Variants in NPAT observed in about 807,000 individuals in gnomAD.
NPAT encodes the protein protein NPAT.
In NPAT, 52 loss-of-function variants were observed where a neutral mutation model predicts 130.7. The observed-to-expected ratio is 0.40, with a 90% CI of 0.32 to 0.50. The LOEUF is 0.50. NPAT is among the 20% of genes least tolerant of loss of function. The pLI, the probability that NPAT is intolerant of heterozygous loss-of-function variation, is 0.68. For missense variants in NPAT, 1,687 were observed against 1,662.6 expected, an observed-to-expected ratio of 1.01 and a Z score of -0.26; for synonymous variants, 580 against 584.8, an observed-to-expected ratio of 0.99 and a Z score of 0.12.
rs757294231 is a variant in NPAT at position 108,172,139 on chromosome 11, T to C, written c.2785+60A>G. The C allele has an allele frequency of 3.6e-4, 522 of 1,442,730 alleles. 3 individuals are homozygous for C. The highest frequency in any genetic ancestry group is 1.6e-3 in the Middle Eastern group (9 of 5,790). 89.4% of individuals were successfully genotyped at this position (1,442,730 alleles called of 1,614,324 possible). ...TTACTTCGCAGTCAATAACATCACA[T>C]ACAAAAGAAATTAGATCCCAACCCA... On this transcript the variant is annotated intron_variant, in intron 13 of 17. Transcript: ENST00000278612.
In NPAT at chr11:108,185,338, A is replaced by C. The variant is rs1280567273; in HGVS notation, c.819-19T>G. On this transcript the variant is annotated intron_variant, in intron 9 of 17. Coordinates refer to ENST00000278612, the MANE Select transcript of NPAT (RefSeq NM_002519.3). The stretch of plus-strand genomic sequence containing the variant: ...GTTATCACTGTTAATAAAGAAAGAA[A>C]AATCTTTATTATAGTTATGCAATTA... The C allele has an allele frequency of 6.3e-7, 1 of 1,584,860 alleles. No individual in the cohort carries two copies. The highest frequency in any genetic ancestry group is 8.6e-7 in the Non-Finnish European group (1 of 1,156,230).
chr11:108,183,973 C>CAAA (rs61030752), intron 10 of NPAT, among the ~76,000 whole-genome samples: 1 of 147,630 alleles, frequency 6.8e-6, no homozygotes, highest in African/African-American at 2.5e-5. Context: ...GACCCTGTCT[C>CAAA]AAAAAAAAAA....
chr11:108,181,719 C>A (rs1212226611), intron 10 of NPAT, among the ~76,000 whole-genome samples: 1 of 151,584 alleles, frequency 6.6e-6, no homozygotes, highest in African/African-American at 2.4e-5. Flanking sequence ...GGAAAGGAGG[C>A]CTGCATCGAG....
chr11:108,197,958 A>C (rs1438136935), intron 1 of NPAT, among the ~76,000 whole-genome samples: 1 of 152,236 alleles, frequency 6.6e-6, no homozygotes. Context: ...TATCAATTCC[A>C]ACAAGAACAT....
chr11:108,160,857 G>C (rs760238897), intron 17 of NPAT, 23 bp downstream of exon 17: 32 of 1,596,722 alleles, frequency 2.0e-5, no homozygotes, highest in Non-Finnish European at 2.7e-5. Context: ...GTGTGGTTTT[G>C]AAATTAAAAC....
At chr11:108,162,059 T>A in intron 16 of NPAT, 45 bp from the exon 17 acceptor site, 1 of 1,612,006 alleles carries the variant, frequency 6.2e-7, no homozygotes, top group African/African-American at 1.3e-5. Flanking sequence ...CATAAAGAAA[T>A]CCTTTATGTT....
In NPAT at chr11:108,158,444, T is replaced by C. The variant is rs1412587157; in HGVS notation, c.*498A>G. 1 of 153,920 alleles carries C rather than the reference T, an allele frequency of 6.5e-6. No individual in the cohort carries two copies. The highest frequency in any genetic ancestry group is 2.4e-5 in the African/African-American group (1 of 41,442). 9.5% of individuals were successfully genotyped at this position (153,920 alleles called of 1,614,324 possible). A position where few individuals can be genotyped will look rare whatever the true frequency, so the allele number is the denominator to read the frequency against. On this transcript the variant is annotated 3_prime_UTR_variant, in exon 18 of 18. Transcript: ENST00000278612. ...TTCTAATTAGATATTTTGCTATCAGTTGAGGTGGTTATTATTTTGTAGTAC... is the reference window on the plus strand; with the variant it reads ...TTCTAATTAGATATTTTGCTATCAGCTGAGGTGGTTATTATTTTGTAGTAC...
Position 108,173,528 on chromosome 11 carries a change from C to G in NPAT, c.1456G>C (p.Glu486Gln). 6.2e-7 allele frequency: 1 copy of G among 1,614,182 alleles called. No individual in the cohort carries two copies. The highest frequency in any genetic ancestry group is 8.5e-7 in the Non-Finnish European group (1 of 1,180,018). The part of the protein sequence containing the change: ...STETEMAIGI[E>Q]KNSLSSNVPS... ...ACATTTGAAGACAAAGAGTTCTTTTCAATCCCTATAGCCATTTCAGTTTCA... is the reference window on the plus strand; with the variant it reads ...ACATTTGAAGACAAAGAGTTCTTTTGAATCCCTATAGCCATTTCAGTTTCA... Residue 486 changes from glutamate to glutamine, a missense_variant, in exon 13 of 18, where the codon GAA becomes CAA. By Grantham distance (29) the Glu-to-Gln change is conservative (BLOSUM62 2). This residue lies in a region of NPAT where 1,379 missense variants were observed against 1,346.6 expected (regional missense o/e 1.02). Transcript: ENST00000278612.
chr11:108,183,149 T>TA (rs200039518), intron 10 of NPAT, among the ~76,000 whole-genome samples: 8 of 151,632 alleles, frequency 5.3e-5, no homozygotes, highest in Admixed American at 2.0e-4. Flanking sequence ...CCTGGCTAAT[T>TA]AAAAAAAAAA....
In NPAT at chr11:108,164,005, T is replaced by C. The variant is rs376009700; in HGVS notation, c.3011-1825A>G. ...ATAGAAGATAAGAAACTGGAGCACA[T>C]GTAGACTGCATTAACCTTAGAAAGA... is the stretch of plus-strand genomic sequence containing the variant. On this transcript the variant is annotated intron_variant, in intron 15 of 17. Coordinates refer to ENST00000278612, the MANE Select transcript of NPAT (RefSeq NM_002519.3). 9.2e-5 allele frequency among the ~76,000 whole-genome samples: 14 copies of C among 152,300 alleles called. No individual in the cohort carries two copies. In the East Asian group the frequency reaches 1.2e-3, roughly 13 times the overall value.
intron 10 of NPAT, among the ~76,000 whole-genome samples, chr11:108,183,818 C>T (rs1481583510): frequency 6.6e-6 from 1 of 151,450 alleles, no homozygotes; most frequent in Non-Finnish European, 1.5e-5. Context: ...AAACAAAAAC[C>T]AAAAATTAGC....
intron 17 of NPAT, among the ~76,000 whole-genome samples, chr11:108,160,304 CGA>C (rs927229960): frequency 5.3e-5 from 8 of 151,856 alleles, no homozygotes; most frequent in African/African-American, 1.9e-4. Flanking sequence ...GCCTGGGCAA[CGA>C]GAGTGAAACC....
rs377019609 is a variant in NPAT, at chr11:108,176,411, A to G, written c.1004-37T>C. On this transcript the variant is annotated intron_variant, in intron 11 of 17. Coordinates refer to ENST00000278612, the MANE Select transcript of NPAT (RefSeq NM_002519.3). ...GGAATATGGAAATAATTAAATGACC[A>G]AAACAAAAAATAAACATCAATGAAT... 2.3e-5 allele frequency: 32 copies of G among 1,420,074 alleles called. No homozygotes were observed. The African/African-American group carries it at 3.1e-4, about 14-fold the overall frequency. 88.0% of individuals were successfully genotyped at this position (1,420,074 alleles called of 1,614,324 possible). A position where few individuals can be genotyped will look rare whatever the true frequency, so the allele number is the denominator to read the frequency against.
chr11:108,215,760 G>T (rs754796861), intron 1 of NPAT, among the ~76,000 whole-genome samples: 2 of 152,188 alleles, frequency 1.3e-5, no homozygotes, highest in Non-Finnish European at 2.9e-5. Context: ...ACTTGTTGAT[G>T]AATCTGTTTT....
chr11:108,185,183 T>C, intron 10 of NPAT, 49 bp downstream of exon 10: 1 of 1,233,200 alleles, frequency 8.1e-7, no homozygotes, highest in Non-Finnish European at 1.2e-6. Flanking sequence ...CCATCAATCT[T>C]AAGTATAAGT....
chr11:108,177,193 G>C (rs2078016549), intron 10 of NPAT, 103 bp from the exon 11 acceptor site: 3 of 522,096 alleles, frequency 5.7e-6, no homozygotes, highest in African/African-American at 2.0e-5. Flanking sequence ...GCTCAGGCTG[G>C]AGTGTAGTGG....
chr11:108,221,081 A>G (rs2078485748), intron 1 of NPAT, among the ~76,000 whole-genome samples: 1 of 152,238 alleles, frequency 6.6e-6, no homozygotes, highest in Non-Finnish European at 1.5e-5. Flanking sequence ...TATTTCAATT[A>G]GAAAATGATA....
At chr11:108,190,430 T>G (rs759516069) in intron 5 of NPAT, 30 bp downstream of exon 5, 1 of 1,585,394 alleles carries the variant, frequency 6.3e-7, no homozygotes, top group East Asian at 2.2e-5. Context: ...TTGAAGTAAT[T>G]GTGAACATTG....
intron 13 of NPAT, chr11:108,171,912 A>G (rs1166876872): frequency 2.7e-6 from 1 of 373,626 alleles, no homozygotes. Flanking sequence ...CTATGTGATG[A>G]ATTAGTCTGT....
Sources: gnomAD v4.1 joint callset for allele counts (sites outside exome capture counted in the v4.1 genomes callset) on GRCh38, gnomAD v4.1.1 for gene constraint, gnomAD v4.1.1 regional missense constraint, MANE v1.5 for transcripts, NCBI Gene and HGNC (gene_info 2026-07-23, HGNC 2026-07-21) for gene names.